Variants in INO80 observed in about 807,000 individuals in gnomAD.
The protein encoded by INO80 is chromatin-remodeling ATPase INO80.
In INO80, 20 loss-of-function variants were observed where a neutral mutation model predicts 203.4. The observed-to-expected ratio is 0.10, with a 90% CI of 0.07 to 0.14. The LOEUF is 0.14. Ranked by LOEUF, INO80 falls within the 10% of genes least tolerant of loss-of-function variation. The pLI is 1.00. For missense variants in INO80, 1,419 were observed against 1,914.4 expected (o/e 0.74, Z 4.83); for synonymous variants, 726 against 685.2 (o/e 1.06, Z -0.93).
intron 1 of INO80, among the ~76,000 whole-genome samples, chr15:41,097,073 T>C (rs536343080): frequency 4.5e-4 from 69 of 152,336 alleles, no homozygotes; most frequent in Non-Finnish European, 8.8e-4. Context: ...ATAACAACGC[T>C]TCTCCCACCA....
chr15:41,009,297 A>T (rs371061103), intron 27 of INO80, among the ~76,000 whole-genome samples: 25 of 149,818 alleles, frequency 1.7e-4, no homozygotes, highest in African/African-American at 5.9e-4. Context: ...TTAGTTACAT[A>T]TGTATACATG....
intron 31 of INO80, 79 bp downstream of exon 31, chr15:40,987,012 C>G: frequency 1.3e-6 from 1 of 768,560 alleles, no homozygotes; most frequent in Non-Finnish European, 2.2e-6. Context: ...TCTGGCTTTG[C>G]CTACCCTTGG....
chr15:40,990,111 C>CT (rs2043796588), intron 29 of INO80, among the ~76,000 whole-genome samples: 1 of 150,216 alleles, frequency 6.7e-6, no homozygotes, highest in South Asian at 2.1e-4. Flanking sequence ...TCACTGAATT[C>CT]TAAAAAAAAA....
chr15:40,987,065 A>G (rs376971577), intron 31 of INO80, 26 bp downstream of exon 31: 5 of 1,268,772 alleles, frequency 3.9e-6, no homozygotes, highest in East Asian at 4.6e-5. Flanking sequence ...ACGTGAGGGG[A>G]GTGTATAGAG....
At chr15:41,057,817 A>AAAAAG (rs1555403662) in intron 16 of INO80, among the ~76,000 whole-genome samples, 2,862 of 137,436 alleles carry the variant, frequency 0.021, 114 homozygotes, top group African/African-American at 0.078. Flanking sequence ...AAAAAAAAAA[A>AAAAAG]AAAGAAAGAA....
At chr15:41,006,368 TTTG>T (rs1187888574) in intron 27 of INO80, among the ~76,000 whole-genome samples, 5 of 152,118 alleles carry the variant, frequency 3.3e-5, no homozygotes, top group African/African-American at 1.2e-4. Flanking sequence ...TATTTCCTCT[TTTG>T]TTATCTCTGA....
chr15:41,092,751 G>A (rs2045663584), intron 4 of INO80, among the ~76,000 whole-genome samples: 1 of 152,178 alleles, frequency 6.6e-6, no homozygotes, highest in Non-Finnish European at 1.5e-5. Context: ...ATTATGATAG[G>A]ATTCAATTTA....
At chr15:41,054,053 G>A in intron 18 of INO80, 39 bp from the exon 19 acceptor site, 2 of 1,519,168 alleles carry the variant, frequency 1.3e-6, no homozygotes, top group Admixed American at 3.4e-5. Context: ...ACATTATAGT[G>A]ATTTCACAAA....
At chr15:41,097,530 T>G (rs2140671824) in intron 1 of INO80, among the ~76,000 whole-genome samples, 1 of 152,164 alleles carries the variant, frequency 6.6e-6, no homozygotes, top group South Asian at 2.1e-4. Flanking sequence ...GCTCTTGCAG[T>G]AGGGTGATCT....
chr15:41,110,219 A>G (rs1440259290), intron 1 of INO80, among the ~76,000 whole-genome samples: 1 of 151,402 alleles, frequency 6.6e-6, no homozygotes, highest in East Asian at 2.0e-4. Context: ...ATCTCGGCTC[A>G]CTGCAACCTC....
At chr15:41,052,492 G>A (rs1294298706) in intron 19 of INO80, among the ~76,000 whole-genome samples, 6 of 151,474 alleles carry the variant, frequency 4.0e-5, no homozygotes, top group Non-Finnish European at 8.8e-5. Context: ...GGGCAACATA[G>A]CAAGATCCTG....
At chr15:41,062,417 C>A (rs1256489569) in intron 14 of INO80, among the ~76,000 whole-genome samples, 1 of 152,106 alleles carries the variant, frequency 6.6e-6, no homozygotes, top group Non-Finnish European at 1.5e-5. Flanking sequence ...GCCTGGCCAA[C>A]ATGGCAAAAC....
In INO80 at chr15:41,047,419, T is replaced by A. The variant is rs760449012; in HGVS notation, c.2724A>T (p.Gly908=). Residue 908 remains glycine, a synonymous_variant, in exon 23 of 36, where the codon GGA becomes GGT. Transcript: ENST00000648947. The part of the protein sequence containing the change: ...PAEMANLMLQ[G]LLARWLALFL... The stretch of plus-strand genomic sequence containing the variant: ...AGCAAACCTCTCACCTGGCCAAAAG[T>A]CCCTGAAGCATAAGGTTTGCCATTT... 7 of 1,613,092 alleles carry A rather than the reference T, an allele frequency of 4.3e-6. 1 individual carries two copies. The South Asian group carries it at 7.7e-5, about 18-fold the overall frequency.
At chr15:41,114,798 CAAAG>C (rs555665369) in intron 1 of INO80, among the ~76,000 whole-genome samples, 15 of 151,498 alleles carry the variant, frequency 9.9e-5, no homozygotes, top group Non-Finnish European at 1.9e-4. Context: ...ACAAACTAGG[CAAAG>C]AAAGATACAT....
At chr15:41,016,003 A>G in intron 27 of INO80, 85 bp downstream of exon 27, 6 of 1,098,242 alleles carry the variant, frequency 5.5e-6, no homozygotes, top group Non-Finnish European at 7.9e-6. Flanking sequence ...GCTCCCATTA[A>G]GCAGGACTAA....
At chr15:41,027,284 C>T (rs1002809377) in intron 25 of INO80, among the ~76,000 whole-genome samples, 5 of 152,126 alleles carry the variant, frequency 3.3e-5, no homozygotes, top group South Asian at 2.1e-4. Flanking sequence ...TCCCTCGCCC[C>T]GACCCTGCTA....
chr15:40,981,461 TATACTTCATATTTCCTCTATC>T (rs969626997), intron 35 of INO80, among the ~76,000 whole-genome samples: 35 of 152,352 alleles, frequency 2.3e-4, no homozygotes, highest in African/African-American at 7.5e-4. Context: ...GCGAGGCTAT[TATACTTCATATTTCCTCTATC>T]ATACTTCATA....
chr15:41,073,534 C>T, intron 10 of INO80, 39 bp from the exon 11 acceptor site: 1 of 1,499,790 alleles, frequency 6.7e-7, no homozygotes, highest in Non-Finnish European at 9.3e-7. Flanking sequence ...ACTTTATCAA[C>T]TGATTTTGTT....
chr15:41,038,717 T>C (rs2044620339), intron 24 of INO80, among the ~76,000 whole-genome samples: 1 of 152,216 alleles, frequency 6.6e-6, no homozygotes, highest in Admixed American at 6.5e-5. Flanking sequence ...GGGTCTTTAG[T>C]ACCTGACACT....
Sources: allele counts gnomAD v4.1 joint callset (sites outside exome capture counted in the v4.1 genomes callset), GRCh38; gene constraint gnomAD v4.1.1; transcripts MANE v1.5; gene names NCBI Gene and HGNC (gene_info 2026-07-23, HGNC 2026-07-21).